Variants in SH3D19 observed in about 807,000 individuals in gnomAD.
SH3D19 encodes the protein SH3 domain-containing protein 19.
SH3D19 carries 58 observed loss-of-function variants against 112.1 expected under a neutral mutation model. The ratio of observed to expected loss-of-function variants is 0.52; its 90% confidence interval spans 0.42 to 0.64. The LOEUF is 0.64. Among genes scored for constraint, SH3D19 ranks in the 30% least tolerant of loss-of-function variants. The pLI is 0.00. For synonymous variants in SH3D19, 391 were observed against 448.5 expected (o/e 0.87, Z 1.62); for missense variants, 1,090 against 1,263.4 (o/e 0.86, Z 2.08).
chr4:151,208,681 CTTT>C (rs35001186), intron 2 of SH3D19, among the ~76,000 whole-genome samples: 9 of 139,834 alleles, frequency 6.4e-5, no homozygotes, highest in Non-Finnish European at 7.8e-5. Flanking sequence ...CAGGAAATCT[CTTT>C]TTTTTTTTTT....
chr4:151,275,188 G>A (rs1332178086), intron 1 of SH3D19, among the ~76,000 whole-genome samples: 3 of 151,544 alleles, frequency 2.0e-5, no homozygotes, highest in East Asian at 3.9e-4. Flanking sequence ...CAGGGTTCAC[G>A]CCATTCTCCT....
intron 11 of SH3D19, among the ~76,000 whole-genome samples, chr4:151,144,916 C>A (rs1488872810): frequency 6.6e-6 from 1 of 152,210 alleles, no homozygotes; most frequent in Non-Finnish European, 1.5e-5. Context: ...ATCAGACGGT[C>A]TGTACTATAT....
chr4:151,263,960 C>T (rs947607682), intron 1 of SH3D19, among the ~76,000 whole-genome samples: 3 of 152,194 alleles, frequency 2.0e-5, no homozygotes, highest in African/African-American at 7.2e-5. Context: ...GTACACACCA[C>T]CACTCTGAGC....
At chr4:151,159,955 T>C (rs1756847013) in intron 8 of SH3D19, among the ~76,000 whole-genome samples, 1 of 152,206 alleles carries the variant, frequency 6.6e-6, no homozygotes, top group South Asian at 2.1e-4. Flanking sequence ...CCCAAGGTCT[T>C]ATTGCTAGTA....
rs550757754 is a variant in SH3D19, at chr4:151,129,255, A to G, written c.2743-899T>C. Among the ~76,000 whole-genome samples the G allele has an allele frequency of 9.8e-5, 15 of 152,336 alleles. 1 individual carries two copies. The South Asian group carries it at 3.1e-3, about 32-fold the overall frequency. On this transcript the variant is annotated intron_variant, in intron 17 of 19. Coordinates refer to ENST00000604030, the MANE Select transcript of SH3D19 (RefSeq NM_001378122.1). ...CCAGATGTGGTGGGCTAGTGTAAGA[A>G]CACTTTTATCCCAGGCACATTAGAG...
At chr4:151,127,950 A>G (rs1378312148) in intron 18 of SH3D19, among the ~76,000 whole-genome samples, 1 of 152,218 alleles carries the variant, frequency 6.6e-6, no homozygotes, top group African/African-American at 2.4e-5. Context: ...CGTAAACTAT[A>G]TTTATTAGAT....
intron 1 of SH3D19, among the ~76,000 whole-genome samples, chr4:151,255,884 T>C (rs902950640): frequency 2.6e-5 from 4 of 152,072 alleles, no homozygotes; most frequent in Non-Finnish European, 4.4e-5. Flanking sequence ...GGCGTGGCGG[T>C]GCGAGCCTGC....
intron 2 of SH3D19, among the ~76,000 whole-genome samples, chr4:151,214,374 G>A (rs1361617244): frequency 2.8e-4 from 38 of 134,228 alleles, no homozygotes; most frequent in East Asian, 5.0e-4. Context: ...GTTCTCAATG[G>A]GCTGTTGGGC....
intron 1 of SH3D19, chr4:151,291,255 T>A: frequency 6.2e-7 from 1 of 1,614,026 alleles, no homozygotes; most frequent in Non-Finnish European, 8.5e-7. Flanking sequence ...AATGGATTAA[T>A]GCCACTATTT....
At chr4:151,152,058 CAACAGT>C (rs1313322032) in intron 9 of SH3D19, among the ~76,000 whole-genome samples, 1 of 151,880 alleles carries the variant, frequency 6.6e-6, no homozygotes, top group Non-Finnish European at 1.5e-5. Flanking sequence ...TCTTAATTTG[CAACAGT>C]AAGAAAATTT....
rs555371089 is a variant in SH3D19, at chr4:151,165,218, T to C, written c.1642+371A>G. Among the ~76,000 whole-genome samples the C allele has an allele frequency of 3.5e-4, 53 of 152,314 alleles. 1 individual carries two copies. Among genetic ancestry groups the C allele is most frequent in the Admixed American group, 3.2e-3 (49 of 15,296 alleles). On this transcript the variant is annotated intron_variant, in intron 8 of 19. Transcript: ENST00000604030. ...TTAGCCAGGTGTGGTGGCGTGTGCC[T>C]GTAGTCCCAGCTACTCAGGAGGCTA...
intron 1 of SH3D19, among the ~76,000 whole-genome samples, chr4:151,289,757 CAAGA>C (rs1775145583): frequency 6.6e-6 from 1 of 152,002 alleles, no homozygotes; most frequent in Non-Finnish European, 1.5e-5. Context: ...GGTATATGAC[CAAGA>C]AAGATAAAAA....
chr4:151,243,126 T>C (rs958756402), intron 1 of SH3D19, among the ~76,000 whole-genome samples: 3 of 152,082 alleles, frequency 2.0e-5, no homozygotes, highest in Non-Finnish European at 2.9e-5. Flanking sequence ...TAGAAACAAA[T>C]AGCACAATAA....
At chr4:151,198,317 A>AATAT (rs1554051489) in intron 2 of SH3D19, among the ~76,000 whole-genome samples, 1 of 139,440 alleles carries the variant, frequency 7.2e-6, no homozygotes, top group African/African-American at 2.6e-5. Context: ...AAAAAAAAAA[A>AATAT]ATATATATAT....
chr4:151,298,505 T>C (rs1775857299), intron 1 of SH3D19, among the ~76,000 whole-genome samples: 1 of 152,176 alleles, frequency 6.6e-6, no homozygotes, highest in Admixed American at 6.5e-5. Context: ...CCATTAAATT[T>C]GTAGCTAATT....
chr4:151,141,160 C>T (rs1357956240), intron 12 of SH3D19: 1 of 152,108 alleles, frequency 6.6e-6, no homozygotes, highest in Non-Finnish European at 1.5e-5. Context: ...GGGTCTTGCT[C>T]TGTCACCTAG....
At chr4:151,137,426 C>CA (rs1328693778) in intron 14 of SH3D19, among the ~76,000 whole-genome samples, 1 of 152,138 alleles carries the variant, frequency 6.6e-6, no homozygotes, top group African/African-American at 2.4e-5. Context: ...CTAAATGTCT[C>CA]AAAGAATTAC....
At chr4:151,307,543 G>T (rs536891320) in intron 1 of SH3D19, among the ~76,000 whole-genome samples, 228 of 152,382 alleles carry the variant, frequency 1.5e-3, no homozygotes, top group Non-Finnish European at 2.7e-3. Flanking sequence ...TCAGGCAGGT[G>T]TGTGCCCGCA....
rs1756779989 is a variant in SH3D19, at chr4:151,159,584, A to G, written c.1643-232T>C. On this transcript the variant is annotated intron_variant, in intron 8 of 19. Transcript: ENST00000604030. ...AGTGAAAATAATACTAAACAATTCA[A>G]CAGCAGCCAGCATTGTTGAGAACCT... 2.0e-5 allele frequency among the ~76,000 whole-genome samples: 3 copies of G among 152,164 alleles called. No homozygotes were observed. In the South Asian group the frequency reaches 6.2e-4, roughly 32 times the overall value.
Sources: gnomAD v4.1 joint callset for allele counts (sites outside exome capture counted in the v4.1 genomes callset) on GRCh38, gnomAD v4.1.1 for gene constraint, MANE v1.5 for transcripts, NCBI Gene and HGNC (gene_info 2026-07-23, HGNC 2026-07-21) for gene names.